The following DAB1 variants were observed in gnomAD, a reference collection of about 807,000 sequenced individuals.
The protein encoded by DAB1 is disabled homolog 1.
A neutral mutation model predicts 64.6 loss-of-function variants in DAB1; 15 were observed. The ratio of observed to expected loss-of-function variants is 0.23; its 90% CI spans 0.16 to 0.36. DAB1 has a LOEUF of 0.36. Among genes scored for constraint, DAB1 ranks in the 10% least tolerant of loss-of-function variants. The probability of loss-of-function intolerance (pLI) is 1.00; values close to 1 mark genes in which losing one functional copy is unlikely to be tolerated. For missense variants in DAB1, 596 were observed against 706.7 expected (o/e 0.84, Z 1.78); for synonymous variants, 235 against 251.9 (o/e 0.93, Z 0.64).
intron 7 of DAB1, among the ~76,000 whole-genome samples, chr1:57,638,718 G>A (rs541486749): frequency 7.0e-4 from 106 of 152,240 alleles, no homozygotes; most frequent in African/African-American, 1.1e-3. Context: ...TGAAGAATAC[G>A]TAGTTCACCA....
intron 9 of DAB1, among the ~76,000 whole-genome samples, chr1:57,057,608 C>CTTT (rs199984237): frequency 2.9e-5 from 4 of 136,574 alleles, no homozygotes; most frequent in South Asian, 2.4e-4. Flanking sequence ...TACACTGATT[C>CTTT]TTTTTTTTTT....
At chr1:58,037,107 C>A (rs1412359645) in intron 5 of DAB1, among the ~76,000 whole-genome samples, 1 of 152,136 alleles carries the variant, frequency 6.6e-6, no homozygotes, top group Non-Finnish European at 1.5e-5. Flanking sequence ...CATTTTCCTG[C>A]ACACTGACTC....
chr1:57,546,431 G>T (rs1201103048), intron 7 of DAB1, among the ~76,000 whole-genome samples: 2 of 152,130 alleles, frequency 1.3e-5, no homozygotes, highest in Admixed American at 1.3e-4. Context: ...AAGACCACAG[G>T]CTCTGAAGCC....
chr1:58,357,604 C>G (rs1030356880), intron 3 of DAB1, among the ~76,000 whole-genome samples: 2 of 152,152 alleles, frequency 1.3e-5, no homozygotes, highest in East Asian at 1.9e-4. Flanking sequence ...GCACTTGAAG[C>G]TTTAAGATGG....
intron 7 of DAB1, among the ~76,000 whole-genome samples, chr1:57,445,862 T>C (rs2101142457): frequency 6.6e-6 from 1 of 152,354 alleles, no homozygotes; most frequent in Admixed American, 6.5e-5. Context: ...GAGGACTTTC[T>C]GATGATTCTG....
chr1:57,218,647 A>T (rs1666625145), intron 2 of DAB1, among the ~76,000 whole-genome samples: 1 of 152,028 alleles, frequency 6.6e-6, no homozygotes, highest in Non-Finnish European at 1.5e-5. Context: ...ATGAGCCATG[A>T]TCATGAACCA....
intron 4 of DAB1, among the ~76,000 whole-genome samples, chr1:58,300,584 GAAAGAAAGAAAGAA>G (rs1662108424): frequency 4.4e-5 from 1 of 22,566 alleles, no homozygotes; most frequent in African/African-American, 1.2e-4. Flanking sequence ...AAGAAAGAAA[GAAAGAAAGAAAGAA>G]AGAAAGAAAG....
At chr1:57,654,569 A>T (rs1182775225) in intron 6 of DAB1, among the ~76,000 whole-genome samples, 1 of 152,214 alleles carries the variant, frequency 6.6e-6, no homozygotes, top group African/African-American at 2.4e-5. Context: ...TATGTTGAAA[A>T]TATTTTTCCT....
At chr1:58,429,730 T>C (rs1369150147) in intron 3 of DAB1, among the ~76,000 whole-genome samples, 1 of 152,206 alleles carries the variant, frequency 6.6e-6, no homozygotes, top group Non-Finnish European at 1.5e-5. Flanking sequence ...AATGAAACTA[T>C]AGTCAGGGGC....
At chr1:57,372,668 C>T (rs375139915) in intron 1 of DAB1, among the ~76,000 whole-genome samples, 2 of 151,544 alleles carry the variant, frequency 1.3e-5, no homozygotes, top group East Asian at 1.9e-4. Flanking sequence ...TTTTTTCTAT[C>T]GAGGCTGAAG....
intron 7 of DAB1, among the ~76,000 whole-genome samples, chr1:57,472,467 G>A (rs937824283): frequency 5.9e-5 from 9 of 152,196 alleles, no homozygotes; most frequent in South Asian, 2.1e-4. Flanking sequence ...ACAGCCTGGC[G>A]CCACACAATG....
chr1:58,371,370 TGTG>T (rs1167629755), intron 3 of DAB1, among the ~76,000 whole-genome samples: 2 of 152,314 alleles, frequency 1.3e-5, no homozygotes, highest in African/African-American at 4.8e-5. Context: ...GCATTCAAGA[TGTG>T]GCCTGGGTGC....
chr1:58,095,256 G>A (rs1160043018), intron 5 of DAB1, among the ~76,000 whole-genome samples: 1 of 152,116 alleles, frequency 6.6e-6, no homozygotes. Flanking sequence ...TCTCTATAGT[G>A]GAATCGGAAA....
chr1:58,477,566 G>T (rs1557432865), intron 3 of DAB1, among the ~76,000 whole-genome samples: 1 of 152,022 alleles, frequency 6.6e-6, no homozygotes, highest in Admixed American at 6.6e-5. Flanking sequence ...CCCCTGCCAT[G>T]GTGATTGCTT....
intron 7 of DAB1, among the ~76,000 whole-genome samples, chr1:57,611,019 C>G (rs1003485676): frequency 2.0e-5 from 3 of 151,874 alleles, no homozygotes; most frequent in African/African-American, 7.3e-5. Context: ...AAGGCAGATG[C>G]TTATCTAGCA....
intron 7 of DAB1, among the ~76,000 whole-genome samples, chr1:57,577,409 G>A: frequency 2.8e-5 from 1 of 35,998 alleles, no homozygotes; most frequent in East Asian, 1.3e-3. Flanking sequence ...GTGGCTGGAG[G>A]CTTCCTAAAA....
chr1:58,379,010 G>T (rs1453942598), intron 3 of DAB1, among the ~76,000 whole-genome samples: 1 of 150,162 alleles, frequency 6.7e-6, no homozygotes, highest in Non-Finnish European at 1.5e-5. Flanking sequence ...CGCTTCCCAG[G>T]TGAGGCAATG....
upstream of DAB1, among the ~76,000 whole-genome samples, chr1:57,885,667 A>G (rs571717917): frequency 5.3e-5 from 8 of 152,332 alleles, no homozygotes; most frequent in South Asian, 1.5e-3. Context: ...AAAGTATTCT[A>G]TAAATATTGA....
intron 7 of DAB1, among the ~76,000 whole-genome samples, chr1:57,502,029 G>T (rs1266980643): frequency 6.6e-6 from 1 of 151,974 alleles, no homozygotes; most frequent in Non-Finnish European, 1.5e-5. Flanking sequence ...GTCTTAAAAT[G>T]AAAGAAACCG....
Sources: gnomAD v4.1 joint callset for allele counts (sites outside exome capture counted in the v4.1 genomes callset) on GRCh38, gnomAD v4.1.1 for gene constraint, MANE v1.5 for transcripts, NCBI Gene and HGNC (gene_info 2026-07-23, HGNC 2026-07-21) for gene names.